Variants in AFAP1 observed in about 807,000 individuals in gnomAD.
AFAP1 encodes actin filament associated protein 1.
In AFAP1, 75 loss-of-function variants were observed where a neutral mutation model predicts 93.9. The ratio of observed to expected loss-of-function variants is 0.80; its 90% CI spans 0.66 to 0.97. The LOEUF (loss-of-function observed/expected upper bound fraction) is 0.97. Ranked by LOEUF, AFAP1 falls within the 50% of genes least tolerant of loss-of-function variation. The pLI is 0.00. For missense variants in AFAP1, 1,201 were observed against 1,050.8 expected, an observed-to-expected ratio of 1.14 and a Z score of -1.98; for synonymous variants, 517 against 430.7, an observed-to-expected ratio of 1.20 and a Z score of -2.48.
chr4:7,855,294 G>C (rs1188158633), intron 4 of AFAP1, among the ~76,000 whole-genome samples, 172 bp downstream of exon 4: 1 of 152,174 alleles, frequency 6.6e-6, no homozygotes, highest in Non-Finnish European at 1.5e-5. Context: ...TGAGGCACTC[G>C]GTGTCCTTCT....
intron 9 of AFAP1, among the ~76,000 whole-genome samples, chr4:7,807,208 ACAAAAACAAAAGAGTAGTTTC>A (rs1719595492): frequency 6.6e-6 from 1 of 152,196 alleles, no homozygotes; most frequent in South Asian, 2.1e-4. Context: ...GCATTAAAAA[ACAAAAACAAAAGAGTAGTTTC>A]CTTCTTGTTG....
chr4:7,763,130 G>A lies in AFAP1; in HGVS notation c.*635C>T, dbSNP rs1023241973. ...GTTAAGAAGAATGGCAGCTTTTCATGTCTTGGTGACAAAAGCATCTGTCCA... is the reference window on the plus strand; with the variant it reads ...GTTAAGAAGAATGGCAGCTTTTCATATCTTGGTGACAAAAGCATCTGTCCA... On this transcript the variant is annotated 3_prime_UTR_variant, in exon 18 of 18. Transcript: ENST00000420658. The A allele has an allele frequency of 1.3e-5, 2 of 152,642 alleles. No individual in the cohort carries two copies. Among genetic ancestry groups the A allele is most frequent in the Admixed American group, 6.5e-5 (1 of 15,288 alleles). 9.5% of individuals were successfully genotyped at this position (152,642 alleles called of 1,614,324 possible). A position where few individuals can be genotyped will look rare whatever the true frequency, so the allele number is the denominator to read the frequency against.
intron 11 of AFAP1, among the ~76,000 whole-genome samples, chr4:7,792,968 C>CA (rs1203500264): frequency 2.0e-5 from 3 of 152,098 alleles, no homozygotes; most frequent in Non-Finnish European, 4.4e-5. Context: ...GCAAATGTCC[C>CA]AACAGTGGAA....
chr4:7,877,909 G>C (rs1012671768), intron 1 of AFAP1, among the ~76,000 whole-genome samples: 9 of 152,170 alleles, frequency 5.9e-5, no homozygotes, highest in African/African-American at 2.2e-4. Context: ...CATATCGCCA[G>C]TTCCCAGGAC....
chr4:7,786,388 T>C, intron 11 of AFAP1, 77 bp from the exon 12 acceptor site: 2 of 1,218,536 alleles, frequency 1.6e-6, no homozygotes, highest in African/African-American at 1.5e-5. Flanking sequence ...TAATGAGTTC[T>C]GACTTTATGC....
chr4:7,801,932 A>AAAAAAAAAAAAAAAAAAAAAC (rs1719078938), intron 9 of AFAP1, among the ~76,000 whole-genome samples: 1 of 150,836 alleles, frequency 6.6e-6, no homozygotes, highest in Admixed American at 6.6e-5. Context: ...AAAAAAAAAA[A>AAAAAAAAAAAAAAAAAAAAAC]AAAAAAAAAA....
In AFAP1 at chr4:7,885,120, C is replaced by A. The variant is rs1366515925; in HGVS notation, c.-2-13040G>T. Among the ~76,000 whole-genome samples, 5 of 152,324 alleles carry A rather than the reference C, an allele frequency of 3.3e-5. No homozygotes were observed. In the East Asian group the frequency reaches 9.6e-4, roughly 29 times the overall value. On this transcript the variant is annotated intron_variant, in intron 1 of 17. Coordinates refer to ENST00000420658, the MANE Select transcript of AFAP1 (RefSeq NM_001134647.2). ...CAGTTCCCAAACCATGACCAACCTG[C>A]TTTTCAGAAAAATCACCCTGGTTTG...
At position 7,762,879 on chromosome 4, in the gene AFAP1, C is replaced by T. The variant is rs1372988426; in HGVS notation, c.*886G>A. On this transcript the variant is annotated 3_prime_UTR_variant, in exon 18 of 18. Coordinates refer to ENST00000420658, the MANE Select transcript of AFAP1 (RefSeq NM_001134647.2). Reference sequence around the variant, plus strand: ...CCTGTACAGCGGCGAGGAGCCAGCCCCTGCCCCCAGAGGCTCCTGGTGTGA... The same window carrying T: ...CCTGTACAGCGGCGAGGAGCCAGCCTCTGCCCCCAGAGGCTCCTGGTGTGA... The T allele has an allele frequency of 6.6e-6, 1 of 152,320 alleles. No homozygotes were observed. The highest frequency in any genetic ancestry group is 1.5e-5 in the Non-Finnish European group (1 of 68,130). The allele number at this position is 152,320 out of a possible 1,614,324, so 9.4% of individuals were successfully genotyped here.
intron 6 of AFAP1, among the ~76,000 whole-genome samples, chr4:7,822,579 CTTTT>C (rs1319604243): frequency 9.4e-6 from 1 of 106,136 alleles, no homozygotes; most frequent in South Asian, 2.8e-4. Flanking sequence ...CTTTCTTTTT[CTTTT>C]TTCTTTTTTT....
At chr4:7,767,529 G>C (rs1001783007) in intron 17 of AFAP1, among the ~76,000 whole-genome samples, 1 of 152,174 alleles carries the variant, frequency 6.6e-6, no homozygotes, top group Non-Finnish European at 1.5e-5. Context: ...CACCAGCTGA[G>C]AACACTTGGT....
chr4:7,894,303 AAG>A (rs1340006282), intron 1 of AFAP1, among the ~76,000 whole-genome samples: 1 of 152,196 alleles, frequency 6.6e-6, no homozygotes, highest in East Asian at 1.9e-4. Flanking sequence ...GTGTCGCAAC[AAG>A]AGTCTAAAGC....
chr4:7,875,516 G>A (rs1212902257), intron 1 of AFAP1, among the ~76,000 whole-genome samples: 1 of 152,068 alleles, frequency 6.6e-6, no homozygotes, highest in African/African-American at 2.4e-5. Context: ...CACTTTGAGA[G>A]GCTGAGGCAG....
intron 6 of AFAP1, among the ~76,000 whole-genome samples, chr4:7,827,569 C>CAATAAAAA (rs1721537841): frequency 1.9e-5 from 1 of 52,254 alleles, no homozygotes; most frequent in African/African-American, 8.0e-5. Context: ...ACTCTGTCTC[C>CAATAAAAA]AAAAAAAAAA....
intron 17 of AFAP1, 31 bp downstream of exon 17, chr4:7,768,813 C>A: frequency 6.5e-7 from 1 of 1,535,368 alleles, no homozygotes; most frequent in South Asian, 1.2e-5. Flanking sequence ...CTGCCCAGGA[C>A]ACCCAGACAC....
At chr4:7,916,910 G>A (rs376777916) in intron 1 of AFAP1, among the ~76,000 whole-genome samples, 5 of 152,050 alleles carry the variant, frequency 3.3e-5, no homozygotes, top group East Asian at 1.9e-4. Flanking sequence ...AACAGCTCCC[G>A]GACTGTACCA....
intron 6 of AFAP1, among the ~76,000 whole-genome samples, chr4:7,827,820 T>C (rs1721567816): frequency 2.0e-5 from 3 of 152,086 alleles, no homozygotes; most frequent in South Asian, 4.2e-4. Context: ...GGAGGACCAA[T>C]GGGCACAAAG....
At chr4:7,933,204 A>T (rs1721190833) in intron 1 of AFAP1, among the ~76,000 whole-genome samples, 1 of 152,094 alleles carries the variant, frequency 6.6e-6, no homozygotes, top group African/African-American at 2.4e-5. Flanking sequence ...GGCATGGCCA[A>T]AGGGCTTTGC....
intron 3 of AFAP1, among the ~76,000 whole-genome samples, chr4:7,863,102 G>A (rs957281810): frequency 6.6e-6 from 1 of 152,264 alleles, no homozygotes; most frequent in East Asian, 1.9e-4. Context: ...TGCACAGGTC[G>A]CCCTTGAAAC....
chr4:7,781,787 C>G (rs1180449742), intron 12 of AFAP1, among the ~76,000 whole-genome samples, 160 bp from the exon 13 acceptor site: 1 of 152,008 alleles, frequency 6.6e-6, no homozygotes, highest in African/African-American at 2.4e-5. Context: ...AAGGCATGCA[C>G]CCACCACCCC....
Sources: gnomAD v4.1 joint callset for allele counts (sites outside exome capture counted in the v4.1 genomes callset) on GRCh38, gnomAD v4.1.1 for gene constraint, MANE v1.5 for transcripts, NCBI Gene and HGNC (gene_info 2026-07-23, HGNC 2026-07-21) for gene names.